The following MYO10 variants were observed in gnomAD, a reference collection of about 807,000 sequenced individuals.
MYO10 encodes the protein myosin X.
A neutral mutation model predicts 257.3 loss-of-function variants in MYO10; 133 were observed. The ratio of observed to expected loss-of-function variants is 0.52; its 90% CI spans 0.45 to 0.60. The LOEUF (loss-of-function observed/expected upper bound fraction) is 0.60. Ranked by LOEUF, MYO10 falls within the 20% of genes least tolerant of loss-of-function variation. The pLI is 0.00. For synonymous variants in MYO10, 1,104 were observed against 1,028.6 expected (o/e 1.07, Z -1.40); for missense variants, 2,399 against 2,635.7 (o/e 0.91, Z 1.97).
At chr5:16,684,797 AC>A (rs1323424497) in intron 29 of MYO10, among the ~76,000 whole-genome samples, 1 of 152,184 alleles carries the variant, frequency 6.6e-6, no homozygotes, top group Non-Finnish European at 1.5e-5. Flanking sequence ...CGCCTGTATC[AC>A]CACTTTGGGA....
chr5:16,819,060 A>G (rs1478211055), intron 2 of MYO10, among the ~76,000 whole-genome samples: 1 of 152,198 alleles, frequency 6.6e-6, no homozygotes, highest in Non-Finnish European at 1.5e-5. Flanking sequence ...TAAATAGTCT[A>G]TATATCTTTT....
chr5:16,747,466 G>A (rs1399683683), intron 19 of MYO10, among the ~76,000 whole-genome samples: 2 of 152,188 alleles, frequency 1.3e-5, no homozygotes, highest in Non-Finnish European at 2.9e-5. Context: ...TAAATAGTCT[G>A]GACCCTGAGG....
intron 3 of MYO10, among the ~76,000 whole-genome samples, chr5:16,808,503 G>C (rs534111597): frequency 2.0e-5 from 3 of 152,072 alleles, no homozygotes; most frequent in African/African-American, 4.8e-5. Context: ...TAAACACTTA[G>C]AAACAATTTT....
At chr5:16,928,012 T>C (rs1033091440) in intron 1 of MYO10, among the ~76,000 whole-genome samples, 6 of 152,186 alleles carry the variant, frequency 3.9e-5, no homozygotes, top group African/African-American at 1.4e-4. Context: ...TGATAGGTGA[T>C]ATGAAGAAAC....
chr5:16,866,098 A>C (rs896138825), intron 2 of MYO10, among the ~76,000 whole-genome samples: 1 of 151,610 alleles, frequency 6.6e-6, no homozygotes, highest in Non-Finnish European at 1.5e-5. Context: ...TCCAAAAAAA[A>C]TTGTGTATTT....
At chr5:16,782,824 TA>T (rs1391867145) in intron 5 of MYO10, among the ~76,000 whole-genome samples, 2 of 152,122 alleles carry the variant, frequency 1.3e-5, no homozygotes, top group Admixed American at 6.6e-5. Flanking sequence ...CCCTGTTATA[TA>T]GAATGCATCA....
intron 11 of MYO10, 72 bp from the exon 12 acceptor site, chr5:16,764,468 A>T: frequency 5.8e-6 from 9 of 1,549,022 alleles, no homozygotes; most frequent in Non-Finnish European, 7.9e-6. Context: ...TCCATTCCCC[A>T]CTTGAGAGAC....
intron 2 of MYO10, among the ~76,000 whole-genome samples, chr5:16,822,569 A>AAACCCT (rs1742852871): frequency 6.6e-6 from 1 of 152,196 alleles, no homozygotes; most frequent in African/African-American, 2.4e-5. Flanking sequence ...ATTAAAGGAG[A>AAACCCT]AACCCTAAGG....
intron 1 of MYO10, among the ~76,000 whole-genome samples, chr5:16,893,748 T>A (rs1745139208): frequency 6.6e-6 from 1 of 151,318 alleles, no homozygotes; most frequent in Non-Finnish European, 1.5e-5. Context: ...CAGACTACAC[T>A]GCTAAAAACA....
At chr5:16,912,842 A>ACG (rs1745702540) in intron 1 of MYO10, among the ~76,000 whole-genome samples, 1 of 151,086 alleles carries the variant, frequency 6.6e-6, no homozygotes, top group African/African-American at 2.4e-5. Flanking sequence ...ACACACACAC[A>ACG]CACACACCAT....
chr5:16,802,805 G>T (rs989053599), intron 3 of MYO10, among the ~76,000 whole-genome samples: 2 of 152,008 alleles, frequency 1.3e-5, no homozygotes, highest in African/African-American at 4.8e-5. Flanking sequence ...GAAACATTAT[G>T]CTCCTTAACT....
intron 2 of MYO10, among the ~76,000 whole-genome samples, chr5:16,864,146 C>CTTT (rs1554004188): frequency 8.0e-6 from 1 of 124,816 alleles, no homozygotes; most frequent in African/African-American, 2.9e-5. Flanking sequence ...TGCTATGTGG[C>CTTT]TATTTTTTTT....
In MYO10 at chr5:16,672,807, G is replaced by A. The variant is rs771074228; in HGVS notation, c.5191C>T (p.Arg1731Ter). 9 of 1,613,234 alleles carry A rather than the reference G, an allele frequency of 5.6e-6. No homozygotes were observed. The highest frequency in any genetic ancestry group is 1.3e-5 in the African/African-American group (1 of 74,888). The change falls in exon 37 of 41, where the codon CGA becomes TGA. Residue 1731 changes from arginine to a stop codon, truncating the protein, a stop_gained. Transcript: ENST00000513610. LOFTEE classifies it high-confidence loss of function. ...TAGEVVEKLI[R>*]GLAMEDSRNM... ...CTGCTGTCCTCCATGGCCAGGCCTC[G>A]GATCAGCTTCTCCACCACCTGGAAG...
At chr5:16,896,650 C>CT (rs1367220383) in intron 1 of MYO10, among the ~76,000 whole-genome samples, 1 of 152,144 alleles carries the variant, frequency 6.6e-6, no homozygotes, top group Non-Finnish European at 1.5e-5. Flanking sequence ...TCACCCCTGT[C>CT]TTTACAGCAG....
chr5:16,816,229 C>T (rs914502363), intron 3 of MYO10, among the ~76,000 whole-genome samples: 1 of 150,846 alleles, frequency 6.6e-6, no homozygotes, highest in African/African-American at 2.4e-5. Context: ...GTCCCAGCTA[C>T]TCGGGAGGCT....
intron 2 of MYO10, among the ~76,000 whole-genome samples, chr5:16,869,158 G>T (rs1172169053): frequency 1.3e-5 from 2 of 151,308 alleles, no homozygotes; most frequent in Non-Finnish European, 2.9e-5. Context: ...CTGAGTAGCT[G>T]GGACTACAGG....
chr5:16,920,989 G>A (rs920179279), intron 1 of MYO10, among the ~76,000 whole-genome samples: 45 of 151,896 alleles, frequency 3.0e-4, no homozygotes, highest in African/African-American at 1.1e-3. Flanking sequence ...GTGGTGGTGG[G>A]CGCCTGTAAT....
Position 16,752,640 on chromosome 5 carries a change from A to G in MYO10, c.1929+2188T>C, listed in dbSNP as rs1295701738. ...ACCTTGCACGTTTGAAAGATTAAAT[A>G]TGGCACTATCATCCTTATTGTAGAA... is the stretch of plus-strand genomic sequence containing the variant. On this transcript the variant is annotated intron_variant, in intron 19 of 40. Transcript: ENST00000513610. 2.0e-5 allele frequency among the ~76,000 whole-genome samples: 3 copies of G among 152,216 alleles called. No individual in the cohort carries two copies. In the South Asian group the frequency reaches 6.2e-4, roughly 31 times the overall value.
In MYO10 at chr5:16,689,868, G is replaced by A. The variant is rs747489658; in HGVS notation, c.3852C>T (p.Ala1284=). Residue 1284 remains alanine (A), a synonymous_variant, in exon 28 of 41, where the codon GCC becomes GCT. Coordinates refer to ENST00000513610, the MANE Select transcript of MYO10 (RefSeq NM_012334.3). ...TKENGIDIIM[A]DRTFHLIAES... ...CTGCAATCAGGTGGAAAGTCCTATC[G>A]GCCATAATGATGTCGATCCCATTCT... 3.1e-6 allele frequency: 5 copies of A among 1,613,668 alleles called. No homozygotes were observed. Among genetic ancestry groups the A allele is most frequent in the South Asian group, 2.2e-5 (2 of 91,070 alleles).
Sources: allele counts gnomAD v4.1 joint callset (sites outside exome capture counted in the v4.1 genomes callset), GRCh38; gene constraint gnomAD v4.1.1; transcripts MANE v1.5; gene names NCBI Gene and HGNC (gene_info 2026-07-23, HGNC 2026-07-21).